The following MACROD2 variants were observed in gnomAD, a reference collection of about 807,000 sequenced individuals.
The protein encoded by MACROD2 is ADP-ribose glycohydrolase MACROD2.
Under a neutral mutation model 70.4 loss-of-function variants are expected in MACROD2, and 36 were observed. That is an observed-to-expected ratio of 0.51 (90% confidence interval 0.39 to 0.68). The LOEUF is 0.68. Among genes scored for constraint, MACROD2 ranks in the 30% least tolerant of loss-of-function variants. MACROD2 has a pLI of 0.00. For missense variants in MACROD2, 496 were observed against 538.4 expected (o/e 0.92, Z 0.78); for synonymous variants, 172 against 178.8 (o/e 0.96, Z 0.30).
chr20:15,100,285 G>A (rs565014837), intron 5 of MACROD2, among the ~76,000 whole-genome samples: 1 of 151,812 alleles, frequency 6.6e-6, no homozygotes, highest in South Asian at 2.1e-4. Flanking sequence ...ATTTGTTGAG[G>A]TATTAAATGC....
At chr20:15,354,899 C>G (rs1251617678) in intron 6 of MACROD2, among the ~76,000 whole-genome samples, 1 of 152,150 alleles carries the variant, frequency 6.6e-6, no homozygotes, top group African/African-American at 2.4e-5. Context: ...GTAATATGTA[C>G]TAGTACTAAT....
chr20:14,263,201 T>A (rs2082114947), intron 3 of MACROD2, among the ~76,000 whole-genome samples: 1 of 152,106 alleles, frequency 6.6e-6, no homozygotes, highest in Non-Finnish European at 1.5e-5. Flanking sequence ...GTTATAACTA[T>A]CCCCAAAAGA....
At chr20:15,754,664 T>G in intron 8 of MACROD2, among the ~76,000 whole-genome samples, 1 of 149,408 alleles carries the variant, frequency 6.7e-6, no homozygotes, top group African/African-American at 2.5e-5. Context: ...CTAACTTGGT[T>G]AGAAAGAATC....
At chr20:15,580,438 CT>C (rs1428580043) in intron 8 of MACROD2, among the ~76,000 whole-genome samples, 2 of 152,164 alleles carry the variant, frequency 1.3e-5, no homozygotes, top group African/African-American at 4.8e-5. Flanking sequence ...GCCTCATTTA[CT>C]GCAAAAGTCC....
intron 5 of MACROD2, among the ~76,000 whole-genome samples, chr20:14,801,558 T>C (rs533730205): frequency 1.3e-5 from 2 of 152,222 alleles, no homozygotes; most frequent in African/African-American, 4.8e-5. Flanking sequence ...ACAATGGCAA[T>C]ATATATTGAC....
intron 3 of MACROD2, among the ~76,000 whole-genome samples, chr20:14,355,730 T>C (rs1373157031): frequency 1.3e-5 from 2 of 152,234 alleles, no homozygotes; most frequent in Non-Finnish European, 2.9e-5. Context: ...CTGAGTATTG[T>C]TATGCATATT....
At chr20:15,258,708 G>T (rs1483806999) in intron 6 of MACROD2, among the ~76,000 whole-genome samples, 1 of 152,000 alleles carries the variant, frequency 6.6e-6, no homozygotes, top group East Asian at 1.9e-4. Context: ...TAAAAAGGTT[G>T]ATTACTGCCA....
At position 15,669,281 on chromosome 20, in the gene MACROD2, T is replaced by TAATAGGAG. The variant is rs1341862476; in HGVS notation, c.645+169434_645+169435insAATAGGAG. On this transcript the variant is annotated intron_variant, in intron 8 of 17. Coordinates refer to ENST00000684519, the MANE Select transcript of MACROD2 (RefSeq NM_001351661.2). ...ATAATTTTATAGGATAATAGGAGAT[T>TAATAGGAG]GCTTATTCCAGCCTCAGTAAGCATT... Among the ~76,000 whole-genome samples, 5 of 152,352 alleles carry TAATAGGAG rather than the reference T, an allele frequency of 3.3e-5. No homozygotes were observed. In the East Asian group the frequency reaches 9.6e-4, roughly 29 times the overall value.
intron 5 of MACROD2, among the ~76,000 whole-genome samples, chr20:14,705,044 G>A (rs2071253023): frequency 6.6e-6 from 1 of 151,728 alleles, no homozygotes; most frequent in Non-Finnish European, 1.5e-5. Flanking sequence ...CTATAGTGAA[G>A]CAAATTAACA....
intron 3 of MACROD2, among the ~76,000 whole-genome samples, chr20:14,144,739 A>AT (rs1489402711): frequency 2.0e-5 from 3 of 152,170 alleles, no homozygotes; most frequent in Non-Finnish European, 4.4e-5. Flanking sequence ...AGCAGCCTGC[A>AT]TTTTTTTGTT....
At chr20:15,680,018 A>C (rs1198426510) in intron 8 of MACROD2, among the ~76,000 whole-genome samples, 1 of 152,174 alleles carries the variant, frequency 6.6e-6, no homozygotes, top group Non-Finnish European at 1.5e-5. Context: ...TCAGAGTGGA[A>C]AGGGAAGCCC....
At chr20:14,960,047 C>A (rs1471157064) in intron 5 of MACROD2, among the ~76,000 whole-genome samples, 2 of 152,146 alleles carry the variant, frequency 1.3e-5, no homozygotes, top group African/African-American at 4.8e-5. Context: ...AATTCTCTTC[C>A]CAAAGAGACT....
intron 5 of MACROD2, among the ~76,000 whole-genome samples, chr20:15,211,419 C>T (rs1257694571): frequency 6.6e-6 from 1 of 152,158 alleles, no homozygotes; most frequent in Non-Finnish European, 1.5e-5. Flanking sequence ...TTGTCCCCTC[C>T]AGATCTCATA....
intron 8 of MACROD2, among the ~76,000 whole-genome samples, chr20:15,666,138 G>A (rs2049894437): frequency 6.6e-6 from 1 of 152,088 alleles, no homozygotes; most frequent in Admixed American, 6.6e-5. Context: ...TCATAAAATT[G>A]GTCCATAGCA....
intron 3 of MACROD2, among the ~76,000 whole-genome samples, chr20:14,479,445 C>G (rs1235120439): frequency 6.6e-6 from 1 of 152,148 alleles, no homozygotes; most frequent in Non-Finnish European, 1.5e-5. Flanking sequence ...ACTGAGCCTA[C>G]TTGGGCTGCC....
chr20:15,966,692 C>T (rs944959581), intron 12 of MACROD2, among the ~76,000 whole-genome samples: 6 of 152,082 alleles, frequency 3.9e-5, no homozygotes, highest in Non-Finnish European at 8.8e-5. Context: ...CAGCGAGCTA[C>T]GGTTGCAGCA....
chr20:14,885,510 T>C (rs1306588545), intron 5 of MACROD2, among the ~76,000 whole-genome samples: 1 of 152,168 alleles, frequency 6.6e-6, no homozygotes, highest in Non-Finnish European at 1.5e-5. Context: ...ACTCTAGTCA[T>C]GATGATTTTA....
intron 5 of MACROD2, among the ~76,000 whole-genome samples, chr20:14,762,990 A>T (rs1167701366): frequency 1.3e-5 from 2 of 152,106 alleles, no homozygotes; most frequent in Non-Finnish European, 2.9e-5. Context: ...CTAAGCACAG[A>T]ACAATGTCAG....
intron 5 of MACROD2, among the ~76,000 whole-genome samples, chr20:14,802,781 C>T (rs200866209): frequency 1.8e-5 from 1 of 56,878 alleles, no homozygotes; most frequent in East Asian, 5.4e-4. Context: ...CACACATACA[C>T]ACACACACAC....
Sources: gnomAD v4.1 joint callset for allele counts (sites outside exome capture counted in the v4.1 genomes callset) on GRCh38, gnomAD v4.1.1 for gene constraint, MANE v1.5 for transcripts, NCBI Gene and HGNC (gene_info 2026-07-23, HGNC 2026-07-21) for gene names.